Variants in CCDC73 observed in about 807,000 individuals in gnomAD.
The protein encoded by CCDC73 is coiled-coil domain-containing protein 73.
A neutral mutation model predicts 116.5 loss-of-function variants in CCDC73; 95 were observed. The ratio of observed to expected loss-of-function variants is 0.82; its 90% CI spans 0.69 to 0.97. The LOEUF is 0.97. Among genes scored for constraint, CCDC73 ranks in the 50% least tolerant of loss-of-function variants. The pLI is 0.00. For synonymous variants in CCDC73, 398 were observed against 401.3 expected, an observed-to-expected ratio of 0.99 and a Z score of 0.10; for missense variants, 1,066 against 1,206.8, an observed-to-expected ratio of 0.88 and a Z score of 1.73.
intron 6 of CCDC73, among the ~76,000 whole-genome samples, chr11:32,685,266 CAAAAAAAA>C (rs35408326): frequency 9.6e-5 from 9 of 93,472 alleles, no homozygotes; most frequent in African/African-American, 3.1e-4. Flanking sequence ...AACACTGGAC[CAAAAAAAA>C]AAAAAAAAAA....
In CCDC73 at chr11:32,608,732, C is replaced by T. The variant is rs560009032; in HGVS notation, c.3030+2400G>A. 1.2e-4 allele frequency among the ~76,000 whole-genome samples: 18 copies of T among 152,298 alleles called. No individual in the cohort carries two copies. In the South Asian group the frequency reaches 1.9e-3, roughly 16 times the overall value. ...TAGCAGAGGTTCTCCATGAGAGTCC[C>T]GCCCCTGCAGCAAACTTCTGCCTGG... On this transcript the variant is annotated intron_variant, in intron 17 of 17. Coordinates refer to ENST00000335185, the MANE Select transcript of CCDC73 (RefSeq NM_001008391.4).
At chr11:32,787,082 TA>T (rs1436296080) in intron 1 of CCDC73, among the ~76,000 whole-genome samples, 1 of 152,180 alleles carries the variant, frequency 6.6e-6, no homozygotes, top group African/African-American at 2.4e-5. Flanking sequence ...CAGCAGATAT[TA>T]ACCAATTTTA....
At chr11:32,603,592 G>A (rs1327991628) in intron 17 of CCDC73, 1 of 152,086 alleles carries the variant, frequency 6.6e-6, no homozygotes, top group African/African-American at 2.4e-5. Context: ...TCCTCTGTGA[G>A]CAGTTTCTTA....
chr11:32,626,067 A>T lies in CCDC73; in HGVS notation c.1185+9629T>A, dbSNP rs11031906. 6.6e-3 allele frequency among the ~76,000 whole-genome samples: 978 copies of T among 147,810 alleles called. 32 individuals carry two copies. In the East Asian group the frequency reaches 0.075, roughly 11 times the overall value. Reference sequence around the variant, plus strand: ...CCCTGTTTGCAGATGACATGATTGTATGTCTAGAAAACCCCATCGTCTCAG... The same window carrying T: ...CCCTGTTTGCAGATGACATGATTGTTTGTCTAGAAAACCCCATCGTCTCAG... On this transcript the variant is annotated intron_variant, in intron 14 of 17. Transcript: ENST00000335185.
At chr11:32,676,941 A>G (rs1032712901) in intron 7 of CCDC73, among the ~76,000 whole-genome samples, 1 of 152,234 alleles carries the variant, frequency 6.6e-6, no homozygotes, top group Admixed American at 6.5e-5. Flanking sequence ...CAGCTAAAGG[A>G]ACTACTCTTA....
chr11:32,710,129 C>A (rs1361849067), intron 3 of CCDC73, among the ~76,000 whole-genome samples: 1 of 152,076 alleles, frequency 6.6e-6, no homozygotes, highest in Admixed American at 6.6e-5. Context: ...TTTTATTTAT[C>A]TTTCCAAAGA....
intron 9 of CCDC73, among the ~76,000 whole-genome samples, chr11:32,655,949 T>C (rs913411600): frequency 6.6e-6 from 1 of 152,214 alleles, no homozygotes; most frequent in Admixed American, 6.5e-5. Context: ...CTTCTGTGTA[T>C]ATTGACTATA....
At chr11:32,642,722 GTC>G (rs879608458) in intron 12 of CCDC73, among the ~76,000 whole-genome samples, 10 of 151,796 alleles carry the variant, frequency 6.6e-5, no homozygotes, top group South Asian at 6.2e-4. Flanking sequence ...TTTTTCCAAT[GTC>G]TGCTGATAAT....
At chr11:32,774,108 G>A (rs1241707662) in intron 1 of CCDC73, among the ~76,000 whole-genome samples, 1 of 152,022 alleles carries the variant, frequency 6.6e-6, no homozygotes, top group Non-Finnish European at 1.5e-5. Context: ...CCTTTCCCTT[G>A]CTTTATCTGG....
chr11:32,692,695 T>A (rs756120886), intron 6 of CCDC73, among the ~76,000 whole-genome samples: 2 of 152,156 alleles, frequency 1.3e-5, no homozygotes, highest in African/African-American at 4.8e-5. Flanking sequence ...CTCACTTCTA[T>A]TATCCAGGGT....
chr11:32,781,980 G>A (rs896943554), intron 1 of CCDC73, among the ~76,000 whole-genome samples: 1 of 152,128 alleles, frequency 6.6e-6, no homozygotes, highest in African/African-American at 2.4e-5. Context: ...CCCATTGTTC[G>A]CATTTCCACC....
At chr11:32,637,017 C>CTTTTTTTTTTTTTT (rs71063750) in intron 13 of CCDC73, among the ~76,000 whole-genome samples, 9 of 87,940 alleles carry the variant, frequency 1.0e-4, no homozygotes, top group Admixed American at 1.6e-4. Flanking sequence ...TTTTCTTTTT[C>CTTTTTTTTTTTTTT]TTTTTTTTTT....
intron 9 of CCDC73, among the ~76,000 whole-genome samples, chr11:32,665,754 C>T (rs1855975096): frequency 6.6e-6 from 1 of 152,114 alleles, no homozygotes; most frequent in Non-Finnish European, 1.5e-5. Flanking sequence ...TTCCTAGCAT[C>T]AATGGTCTCT....
At chr11:32,766,346 A>G (rs1022230725) in intron 1 of CCDC73, among the ~76,000 whole-genome samples, 7 of 152,200 alleles carry the variant, frequency 4.6e-5, no homozygotes, top group African/African-American at 1.7e-4. Context: ...CCCACAGCCA[A>G]TATCATACTG....
chr11:32,649,963 G>A (rs1855812257), intron 12 of CCDC73, among the ~76,000 whole-genome samples: 1 of 152,086 alleles, frequency 6.6e-6, no homozygotes, highest in Non-Finnish European at 1.5e-5. Context: ...CAAGGTTCAG[G>A]TAATACTTGT....
the CCDC73 span, among the ~76,000 whole-genome samples, chr11:32,817,162 C>A: frequency 6.6e-6 from 1 of 152,234 alleles, no homozygotes; most frequent in Admixed American, 6.5e-5. Context: ...TAGCTAGTGA[C>A]GAGAAGAGAA....
At chr11:32,653,049 A>G (rs1855839794) in intron 12 of CCDC73, 74 bp downstream of exon 12, 1 of 861,912 alleles carries the variant, frequency 1.2e-6, no homozygotes, top group African/African-American at 1.7e-5. Flanking sequence ...AAAATAAACT[A>G]AACAGGAAGT....
At chr11:32,778,173 C>T (rs1392603085) in intron 1 of CCDC73, among the ~76,000 whole-genome samples, 1 of 152,144 alleles carries the variant, frequency 6.6e-6, no homozygotes, top group Non-Finnish European at 1.5e-5. Flanking sequence ...CCAACAATAT[C>T]AGCAACACTT....
chr11:32,768,855 A>C (rs1461791757), intron 1 of CCDC73, among the ~76,000 whole-genome samples: 1 of 152,200 alleles, frequency 6.6e-6, no homozygotes, highest in African/African-American at 2.4e-5. Context: ...AAAAAAATAA[A>C]AGAAAGAAAA....
Sources: allele counts gnomAD v4.1 joint callset (sites outside exome capture counted in the v4.1 genomes callset), GRCh38; gene constraint gnomAD v4.1.1; transcripts MANE v1.5; gene names NCBI Gene and HGNC (gene_info 2026-07-23, HGNC 2026-07-21).